Variants in RPAP2 observed in about 807,000 individuals in gnomAD.
The protein encoded by RPAP2 is RNA polymerase II associated protein 2.
A neutral mutation model predicts 73.1 loss-of-function variants in RPAP2; 52 were observed. The observed-to-expected ratio is 0.71, with a 90% CI of 0.57 to 0.90. The LOEUF is 0.90. RPAP2 is among the 40% of genes least tolerant of loss of function. RPAP2 has a pLI of 0.00. For missense variants in RPAP2, 598 were observed against 701.8 expected, an observed-to-expected ratio of 0.85 and a Z score of 1.67; for synonymous variants, 225 against 242.1, an observed-to-expected ratio of 0.93 and a Z score of 0.65.
chr1:92,330,602 A>G, intron 8 of RPAP2, among the ~76,000 whole-genome samples: 1 of 151,552 alleles, frequency 6.6e-6, no homozygotes, highest in East Asian at 1.9e-4. Flanking sequence ...CACCCGTGCC[A>G]TGCCTGCCTA....
intron 1 of RPAP2, 76 bp from the exon 2 acceptor site, chr1:92,300,118 T>C (rs745582660): frequency 1.9e-5 from 19 of 980,594 alleles, no homozygotes; most frequent in Non-Finnish European, 2.7e-5. Flanking sequence ...TTTAATCTTA[T>C]GAGACCGCTG....
rs751055550 is a variant in RPAP2, at chr1:92,378,184, T to TATTCATTCATTC, written c.1689-2516_1689-2505dup. 7.3e-5 allele frequency among the ~76,000 whole-genome samples: 11 copies of TATTCATTCATTC among 151,638 alleles called. No individual in the cohort carries two copies. The South Asian group carries it at 1.0e-3, about 14-fold the overall frequency. ...TGTGTCAAATAAGTACCACTTTATT[T>TATTCATTCATTC]ATTCATTCATTCATTCATTCATTCA... On this transcript the variant is annotated intron_variant, in intron 11 of 12. Transcript: ENST00000610020.
rs1183634753 is a variant in RPAP2 at position 92,347,985 on chromosome 1, C to G, written c.1688+2071C>G. On this transcript the variant is annotated intron_variant, in intron 11 of 12. Transcript: ENST00000610020. ...AGTGCAATGGCACAATCTCGGCTCA[C>G]TGCAGCCTCTGCCTCCCGGGTTCAA... Among the ~76,000 whole-genome samples the G allele has an allele frequency of 2.0e-5, 3 of 152,130 alleles. No individual in the cohort carries two copies. In the East Asian group the frequency reaches 5.8e-4, roughly 29 times the overall value.
At chr1:92,359,124 G>A (rs1379051223) in intron 11 of RPAP2, among the ~76,000 whole-genome samples, 11 of 152,132 alleles carry the variant, frequency 7.2e-5, no homozygotes, top group Non-Finnish European at 1.5e-5. Flanking sequence ...AGAGCAATGA[G>A]GCAATGAAAT....
chr1:92,344,963 C>G (rs1653802910), intron 10 of RPAP2, among the ~76,000 whole-genome samples: 1 of 152,050 alleles, frequency 6.6e-6, no homozygotes, highest in South Asian at 2.1e-4. Flanking sequence ...AGTGATCTTT[C>G]TAAATGCTTT....
rs575603185 is a variant in RPAP2 at position 92,343,562 on chromosome 1, T to C, written c.1620-2284T>C. 4.6e-5 allele frequency among the ~76,000 whole-genome samples: 7 copies of C among 152,298 alleles called. No individual in the cohort carries two copies. In the East Asian group the frequency reaches 1.4e-3, roughly 29 times the overall value. The stretch of plus-strand genomic sequence containing the variant: ...ATATCCTCCACTCAGAATTAATAGA[T>C]TTTAATATTTTCTAAAATTTGATTC... On this transcript the variant is annotated intron_variant, in intron 10 of 12. Coordinates refer to ENST00000610020, the MANE Select transcript of RPAP2 (RefSeq NM_024813.3).
chr1:92,328,206 G>C (rs1227806053), intron 8 of RPAP2, among the ~76,000 whole-genome samples: 1 of 150,448 alleles, frequency 6.6e-6, no homozygotes, highest in Non-Finnish European at 1.5e-5. Context: ...TAGGTCTCTA[G>C]CAAGGCTGGA....
At chr1:92,312,760 G>A (rs1289826133) in intron 6 of RPAP2, among the ~76,000 whole-genome samples, 1 of 151,400 alleles carries the variant, frequency 6.6e-6, no homozygotes, top group Non-Finnish European at 1.5e-5. Flanking sequence ...CTTCTTCCAA[G>A]CACTTGTTAA....
Position 92,301,537 on chromosome 1 carries a change from A to C in RPAP2, c.181A>C (p.Ile61Leu), listed in dbSNP as rs1443666303. 6 of 1,594,496 alleles carry C rather than the reference A, an allele frequency of 3.8e-6. No individual in the cohort carries two copies. The East Asian group carries it at 1.4e-4, about 36-fold the overall frequency. The change falls in exon 3 of 13, where the codon ATT (isoleucine) becomes CTT (leucine). Residue 61 changes from isoleucine (I) to leucine (L), a missense_variant. By Grantham distance (5) the Ile-to-Leu change is conservative. This residue lies in a region of RPAP2 where 506 missense variants were observed against 612.8 expected (regional missense o/e 0.83). Transcript: ENST00000610020. ...KIEFERKALH[I>L]VEQLLEENIT... ...TGAATTTGAGAGAAAAGCTCTACATATTGTTGAACAGCTTTTAGAGGAGAA... is the reference window on the plus strand; with the variant it reads ...TGAATTTGAGAGAAAAGCTCTACATCTTGTTGAACAGCTTTTAGAGGAGAA...
chr1:92,347,315 C>T (rs1228070483), intron 11 of RPAP2, among the ~76,000 whole-genome samples: 1 of 152,056 alleles, frequency 6.6e-6, no homozygotes, highest in African/African-American at 2.4e-5. Flanking sequence ...ATATTTTGGT[C>T]ACTGGCAAAG....
chr1:92,323,050 TTATATATATACTTTATATATATATTTA>T (rs1171561639), intron 7 of RPAP2, among the ~76,000 whole-genome samples: 2 of 146,436 alleles, frequency 1.4e-5, no homozygotes, highest in Non-Finnish European at 3.0e-5. Context: ...ATCTTTATAT[TTATATATATACTTTATATATATATTTA>T]TATATATATA....
intron 5 of RPAP2, among the ~76,000 whole-genome samples, chr1:92,305,427 C>T (rs1253435694): frequency 2.7e-4 from 10 of 37,112 alleles, no homozygotes; most frequent in Admixed American, 3.6e-4. Context: ...AGTGAGGCTC[C>T]GTCTCAAAAA....
At chr1:92,359,431 G>A (rs1002625529) in intron 11 of RPAP2, among the ~76,000 whole-genome samples, 3 of 152,072 alleles carry the variant, frequency 2.0e-5, no homozygotes, top group African/African-American at 4.8e-5. Context: ...GCAATTCTCC[G>A]GCCTCAGCCT....
chr1:92,307,138 G>A (rs1201490214), intron 5 of RPAP2, 50 bp from the exon 6 acceptor site: 7 of 1,237,118 alleles, frequency 5.7e-6, no homozygotes, highest in South Asian at 2.5e-5. Context: ...ACTGTATGTA[G>A]GTAATGTTTC....
chr1:92,326,128 G>A (rs768670833), intron 8 of RPAP2, among the ~76,000 whole-genome samples: 4 of 151,548 alleles, frequency 2.6e-5, no homozygotes, highest in Non-Finnish European at 5.9e-5. Context: ...TGGTTGTACC[G>A]GTTTACAGTT....
intron 6 of RPAP2, among the ~76,000 whole-genome samples, chr1:92,312,766 G>C (rs556951416): frequency 6.6e-6 from 1 of 150,556 alleles, no homozygotes; most frequent in South Asian, 2.1e-4. Flanking sequence ...CCAAGCACTT[G>C]TTAATGTTGA....
chr1:92,315,615 T>G (rs1221136376), intron 6 of RPAP2, among the ~76,000 whole-genome samples: 1 of 152,218 alleles, frequency 6.6e-6, no homozygotes, highest in African/African-American at 2.4e-5. Flanking sequence ...TCCCTTAGAA[T>G]TTATAAGAGT....
chr1:92,332,463 A>G (rs943859367), intron 8 of RPAP2, among the ~76,000 whole-genome samples: 1 of 152,030 alleles, frequency 6.6e-6, no homozygotes, highest in African/African-American at 2.4e-5. Context: ...TCAGATTTTT[A>G]TCATATTGTC....
At chr1:92,353,364 C>T (rs1654310536) in intron 11 of RPAP2, among the ~76,000 whole-genome samples, 1 of 152,174 alleles carries the variant, frequency 6.6e-6, no homozygotes, top group African/African-American at 2.4e-5. Flanking sequence ...TCTTGCTTCA[C>T]ACCCAGTAGT....
Sources: allele counts gnomAD v4.1 joint callset (sites outside exome capture counted in the v4.1 genomes callset), GRCh38; gene constraint gnomAD v4.1.1; regional missense constraint gnomAD v4.1.1; transcripts MANE v1.5; gene names NCBI Gene and HGNC (gene_info 2026-07-23, HGNC 2026-07-21).